DISC1: variants seen among roughly 807,000 people sequenced by gnomAD.
DISC1 encodes the protein DISC1 scaffold protein, also known as disrupted in schizophrenia 1 protein.
A neutral mutation model predicts 84.5 loss-of-function variants in DISC1; 57 were observed. The ratio of observed to expected loss-of-function variants is 0.67; its 90% CI spans 0.55 to 0.84. DISC1 has a LOEUF of 0.84. Ranked by LOEUF, DISC1 falls within the 40% of genes least tolerant of loss-of-function variation. The probability of loss-of-function intolerance (pLI) is 0.00; values close to 1 mark genes in which losing one functional copy is unlikely to be tolerated. For missense variants in DISC1, 1,000 were observed against 1,057.8 expected (o/e 0.95, Z 0.76); for synonymous variants, 411 against 415.2 (o/e 0.99, Z 0.12).
intron 9 of DISC1, among the ~76,000 whole-genome samples, chr1:231,894,671 A>G (rs2087538331): frequency 6.6e-6 from 1 of 151,782 alleles, no homozygotes; most frequent in South Asian, 2.1e-4. Context: ...GGTGTCAGAG[A>G]TATAATTTTG....
At position 231,627,596 on chromosome 1, in the gene DISC1, T is replaced by A. The variant is rs113614215; in HGVS notation, c.67+662T>A. On this transcript the variant is annotated intron_variant, in intron 1 of 12. Coordinates refer to ENST00000439617, the MANE Select transcript of DISC1 (RefSeq NM_018662.3). The stretch of plus-strand genomic sequence containing the variant: ...CGCGGGTCTCGCTGTCAACTCTTAG[T>A]GATGATTGTGGATGGTTGTTTTTCA... Among the ~76,000 whole-genome samples, 60 of 152,322 alleles carry A rather than the reference T, an allele frequency of 3.9e-4. 2 individuals are homozygous for A. The East Asian group carries it at 9.9e-3, about 25-fold the overall frequency.
intron 4 of DISC1, among the ~76,000 whole-genome samples, chr1:231,766,431 G>A (rs905484459): frequency 4.0e-5 from 6 of 151,096 alleles, no homozygotes; most frequent in Admixed American, 6.6e-5. Context: ...AAAAAAAAAT[G>A]TGATGTGGGC....
intron 9 of DISC1, among the ~76,000 whole-genome samples, chr1:231,893,606 C>T (rs1311540809): frequency 6.6e-6 from 1 of 152,116 alleles, no homozygotes; most frequent in Admixed American, 6.6e-5. Context: ...GTCAGATCTA[C>T]TTTGAGTAAT....
chr1:231,891,200 T>C (rs1333791213), intron 9 of DISC1, among the ~76,000 whole-genome samples: 2 of 151,998 alleles, frequency 1.3e-5, no homozygotes, highest in African/African-American at 4.8e-5. Flanking sequence ...ACACTAACAA[T>C]AGCTGATGAG....
At chr1:231,693,584 G>C (rs2125654020) in intron 1 of DISC1, among the ~76,000 whole-genome samples, 1 of 152,336 alleles carries the variant, frequency 6.6e-6, no homozygotes, top group South Asian at 2.1e-4. Flanking sequence ...AGCAGTGCCA[G>C]CTGCTCTGCT....
At position 231,694,013 on chromosome 1, in the gene DISC1, G is replaced by A. The variant is rs199501041; in HGVS notation, c.255G>A (p.Gln85=). ...ACCACTCGGAGTCCAGGGCCAGACA[G>A]TGTGGCCTTGACTCGAGAGGCCTCT... ...ESHHSESRAR[Q]CGLDSRGLLV... is the part of the protein sequence containing the mutation. The change falls in exon 2 of 13, where the codon CAG becomes CAA. Residue 85 remains glutamine (Q), a synonymous_variant. Transcript: ENST00000439617. 16 of 1,614,180 alleles carry A rather than the reference G, an allele frequency of 9.9e-6. No individual in the cohort carries two copies. In the East Asian group the frequency reaches 3.1e-4, roughly 31 times the overall value.
chr1:231,770,913 C>A lies in DISC1; in HGVS notation c.1477C>A (p.Gln493Lys), dbSNP rs1019807834. The A allele has an allele frequency of 6.2e-7, 1 of 1,614,080 alleles. No individual in the cohort carries two copies. The highest frequency in any genetic ancestry group is 1.3e-5 in the African/African-American group (1 of 74,930). The stretch of plus-strand genomic sequence containing the variant: ...ACAGCTGAGAAGGGAAATAGAGGAG[C>A]AAGAGCAGCAACTCCAGTGGCAGGG... ...DQQLRREIEE[Q>K]EQQLQWQGCD... The change falls in exon 6 of 13, where the codon CAA becomes AAA. Residue 493 changes from glutamine (Q) to lysine (K), a missense_variant. Gln to Lys is a moderately conservative substitution (Grantham distance 53). Transcript: ENST00000439617.
At chr1:232,019,941 A>G (rs1274391871) in intron 11 of DISC1, among the ~76,000 whole-genome samples, 1 of 152,144 alleles carries the variant, frequency 6.6e-6, no homozygotes, top group Non-Finnish European at 1.5e-5. Flanking sequence ...CCCTCCAGGA[A>G]TTGAGACTTT....
chr1:231,715,125 A>G (rs1344447291), intron 3 of DISC1, among the ~76,000 whole-genome samples: 1 of 152,214 alleles, frequency 6.6e-6, no homozygotes, highest in South Asian at 2.1e-4. Flanking sequence ...ACCAATGACC[A>G]TAACCAAAGG....
At chr1:231,802,660 A>C (rs1004692614) in intron 8 of DISC1, among the ~76,000 whole-genome samples, 6 of 152,096 alleles carry the variant, frequency 3.9e-5, no homozygotes, top group Non-Finnish European at 5.9e-5. Context: ...TACATGTAAC[A>C]GTTTATTCTT....
chr1:231,973,739 A>T (rs1424199552), intron 10 of DISC1, among the ~76,000 whole-genome samples: 4 of 152,212 alleles, frequency 2.6e-5, no homozygotes, highest in East Asian at 3.9e-4. Context: ...GCATTTTTTT[A>T]AATTTACAAA....
chr1:231,710,940 C>A (rs2067737971), intron 3 of DISC1, among the ~76,000 whole-genome samples: 1 of 152,136 alleles, frequency 6.6e-6, no homozygotes, highest in Admixed American at 6.5e-5. Context: ...ATACTAAACA[C>A]ATTCAGGTAT....
chr1:232,035,684 A>G (rs199575526), intron 12 of DISC1, among the ~76,000 whole-genome samples: 7 of 152,000 alleles, frequency 4.6e-5, no homozygotes, highest in Non-Finnish European at 7.4e-5. Context: ...ACATATTTCT[A>G]CTTTCTCCCT....
intron 9 of DISC1, among the ~76,000 whole-genome samples, chr1:231,875,449 C>G (rs1170558039): frequency 6.6e-6 from 1 of 152,172 alleles, no homozygotes; most frequent in Admixed American, 6.5e-5. Context: ...TAAGGATGGC[C>G]AGCTGCCTAC....
intron 9 of DISC1, among the ~76,000 whole-genome samples, chr1:231,857,814 G>A (rs574752733): frequency 1.4e-4 from 21 of 152,190 alleles, no homozygotes; most frequent in Non-Finnish European, 7.3e-5. Flanking sequence ...GAATCTGGCC[G>A]CTTAGTGCAT....
At position 232,031,288 on chromosome 1, in the gene DISC1, AGAG is replaced by A. The variant is rs1262582628; in HGVS notation, c.2425+4739_2425+4741del. ...AGATAAAGAAAGAAAAAGAAAGAAA[AGAG>A]GAAGGAAGGAAGGAGAGAGGGAAGG... On this transcript the variant is annotated intron_variant, in intron 12 of 12. Transcript: ENST00000439617. The surrounding 1 kb of genome is among the most constrained non-coding windows in gnomAD (Gnocchi z 4.6). 2.1e-5 allele frequency among the ~76,000 whole-genome samples: 3 copies of A among 142,056 alleles called. No homozygotes were observed. Among genetic ancestry groups the A allele is most frequent in the Admixed American group, 7.0e-5 (1 of 14,232 alleles). 93.2% of individuals were successfully genotyped at this position (142,056 alleles called of 152,430 possible).
At chr1:231,808,757 C>T (rs2079970141) in intron 8 of DISC1, among the ~76,000 whole-genome samples, 1 of 152,252 alleles carries the variant, frequency 6.6e-6, no homozygotes, top group Non-Finnish European at 1.5e-5. Context: ...TTATGCCCCC[C>T]TGCCCATTGC....
intron 10 of DISC1, among the ~76,000 whole-genome samples, chr1:232,002,632 CACACACAA>C (rs1250744350): frequency 8.4e-4 from 104 of 123,254 alleles, no homozygotes; most frequent in African/African-American, 3.1e-3. Context: ...CACACACACA[CACACACAA>C]AAGCCAATCC....
intron 3 of DISC1, among the ~76,000 whole-genome samples, chr1:231,743,370 G>A (rs1359940847): frequency 1.3e-5 from 2 of 152,208 alleles, no homozygotes; most frequent in Non-Finnish European, 2.9e-5. Flanking sequence ...GAAAGGTTAA[G>A]TAACTTGAAG....
Sources: gnomAD v4.1 joint callset for allele counts (sites outside exome capture counted in the v4.1 genomes callset) on GRCh38, gnomAD v4.1.1 for gene constraint, Gnocchi (gnomAD v3.1) non-coding constraint, MANE v1.5 for transcripts, NCBI Gene and HGNC (gene_info 2026-07-23, HGNC 2026-07-21) for gene names.